SCAI: variants seen among roughly 807,000 people sequenced by gnomAD.
SCAI encodes suppressor of cancer cell invasion, also known as protein SCAI.
A neutral mutation model predicts 92.2 loss-of-function variants in SCAI; 24 were observed. The observed-to-expected ratio is 0.26, with a 90% CI of 0.19 to 0.37. The LOEUF (loss-of-function observed/expected upper bound fraction) is 0.37. Among genes scored for constraint, SCAI ranks in the 10% least tolerant of loss-of-function variants. The pLI, the probability that SCAI is intolerant of heterozygous loss-of-function variation, is 1.00. For missense variants in SCAI, 450 were observed against 736.2 expected (o/e 0.61, Z 4.50); for synonymous variants, 261 against 258.6 (o/e 1.01, Z -0.09).
At chr9:125,138,625 A>G (rs1248892015) in intron 2 of SCAI, among the ~76,000 whole-genome samples, 2 of 152,106 alleles carry the variant, frequency 1.3e-5, no homozygotes, top group Non-Finnish European at 2.9e-5. Context: ...TGTGTTAGCC[A>G]GGATGGTCTC....
At chr9:124,984,731 CTA>C (rs1209042722) in intron 14 of SCAI, among the ~76,000 whole-genome samples, 1 of 152,122 alleles carries the variant, frequency 6.6e-6, no homozygotes, top group African/African-American at 2.4e-5. Context: ...TAAATTATAA[CTA>C]AAGATATGGA....
At chr9:125,128,195 T>C (rs999106711) in intron 2 of SCAI, among the ~76,000 whole-genome samples, 2 of 151,792 alleles carry the variant, frequency 1.3e-5, no homozygotes, top group African/African-American at 2.4e-5. Flanking sequence ...CAGTGGCACA[T>C]GGCACCAGCT....
At chr9:125,075,924 C>T (rs910117540) in intron 2 of SCAI, among the ~76,000 whole-genome samples, 1 of 152,060 alleles carries the variant, frequency 6.6e-6, no homozygotes, top group Non-Finnish European at 1.5e-5. Context: ...TCTCGAACTC[C>T]TGACCTCAAG....
At chr9:125,090,335 A>C (rs1834405695) in intron 2 of SCAI, among the ~76,000 whole-genome samples, 1 of 151,762 alleles carries the variant, frequency 6.6e-6, no homozygotes, top group Non-Finnish European at 1.5e-5. Flanking sequence ...AAAACGAGGG[A>C]GGATGTGGAG....
chr9:124,943,033 ACTT>A lies in SCAI; in HGVS notation c.*9771_*9773del, dbSNP rs1205311085. 4 of 152,224 alleles carry A rather than the reference ACTT, an allele frequency of 2.6e-5. No homozygotes were observed. The highest frequency in any genetic ancestry group is 9.6e-5 in the African/African-American group (4 of 41,460). 9.4% of individuals were successfully genotyped at this position (152,224 alleles called of 1,614,324 possible). On this transcript the variant is annotated 3_prime_UTR_variant, in exon 18 of 18. Coordinates refer to ENST00000336505, the MANE Select transcript of SCAI (RefSeq NM_001144877.3). ...CTCAAGAAAATAAAATGTTTCAAGA[ACTT>A]CTCAATTTCTAAAATCTATGGAGTA...
At chr9:125,056,102 C>T in intron 2 of SCAI, 95 bp from the exon 3 acceptor site, 1 of 875,120 alleles carries the variant, frequency 1.1e-6, no homozygotes, top group Non-Finnish European at 1.7e-6. Flanking sequence ...TTATCCAAGA[C>T]AGATATAGAA....
intron 13 of SCAI, among the ~76,000 whole-genome samples, chr9:124,995,500 T>C (rs1012248659): frequency 1.3e-5 from 2 of 152,168 alleles, no homozygotes; most frequent in Non-Finnish European, 2.9e-5. Flanking sequence ...ATTTTTTTTT[T>C]TAAAGACACC....
chr9:125,133,177 G>A lies in SCAI; in HGVS notation c.98+9456C>T, dbSNP rs540403404. Among the ~76,000 whole-genome samples the A allele has an allele frequency of 5.3e-5, 8 of 152,210 alleles. No homozygotes were observed. In the East Asian group the frequency reaches 1.6e-3, roughly 30 times the overall value. On this transcript the variant is annotated intron_variant, in intron 2 of 17. Coordinates refer to ENST00000336505, the MANE Select transcript of SCAI (RefSeq NM_001144877.3). ...GGCCGCTGTGGGCAGATCACTTGAG[G>A]TCAGGAGTTCGAGACCAGCCTAGGC...
intron 2 of SCAI, among the ~76,000 whole-genome samples, chr9:125,104,264 G>A (rs149125100): frequency 5.9e-5 from 9 of 152,298 alleles, no homozygotes; most frequent in Non-Finnish European, 1.3e-4. Flanking sequence ...TCTGGCAGAA[G>A]TGATTGGAAA....
chr9:125,073,085 A>AT (rs1834009149), intron 2 of SCAI, among the ~76,000 whole-genome samples: 1 of 89,282 alleles, frequency 1.1e-5, no homozygotes, highest in Non-Finnish European at 2.4e-5. Context: ...TGAGGATTCT[A>AT]TTTTTAATTT....
intron 17 of SCAI, among the ~76,000 whole-genome samples, chr9:124,963,876 T>C (rs561983664): frequency 4.4e-4 from 66 of 151,480 alleles, no homozygotes; most frequent in Admixed American, 1.4e-3. Context: ...TGCCTTCACA[T>C]TGAGTAGGCT....
At chr9:124,996,723 A>G (rs943953276) in intron 13 of SCAI, among the ~76,000 whole-genome samples, 6 of 151,930 alleles carry the variant, frequency 3.9e-5, no homozygotes, top group African/African-American at 1.5e-4. Context: ...TCCGCCTCCC[A>G]CGTTCAGGCA....
chr9:124,957,014 G>A (rs1210922676), intron 17 of SCAI, among the ~76,000 whole-genome samples: 2 of 146,746 alleles, frequency 1.4e-5, no homozygotes, highest in Non-Finnish European at 3.0e-5. Context: ...TTTTAAGAAA[G>A]GGTTTCTCAT....
At chr9:125,056,158 G>A in intron 2 of SCAI, 151 bp from the exon 3 acceptor site, 1 of 636,718 alleles carries the variant, frequency 1.6e-6, no homozygotes, top group East Asian at 3.1e-5. Flanking sequence ...TTAAGTGTAA[G>A]ATACTGTAAG....
intron 14 of SCAI, among the ~76,000 whole-genome samples, chr9:124,990,164 A>C (rs1177014184): frequency 2.0e-5 from 3 of 151,710 alleles, no homozygotes; most frequent in Non-Finnish European, 1.5e-5. Context: ...ACAAGAGTGA[A>C]ACTCTGTCTC....
intron 14 of SCAI, among the ~76,000 whole-genome samples, chr9:124,991,169 A>G (rs1037371182): frequency 6.6e-6 from 1 of 152,018 alleles, no homozygotes; most frequent in Non-Finnish European, 1.5e-5. Flanking sequence ...CCTGACCAAC[A>G]TGGGGAAATC....
At chr9:125,020,036 T>C (rs1166714264) in intron 7 of SCAI, among the ~76,000 whole-genome samples, 3 of 145,120 alleles carry the variant, frequency 2.1e-5, no homozygotes, top group African/African-American at 7.7e-5. Flanking sequence ...ATCATGCCAC[T>C]GTACTCCAGC....
chr9:125,022,406 T>C (rs1832886671), intron 6 of SCAI, among the ~76,000 whole-genome samples: 1 of 152,086 alleles, frequency 6.6e-6, no homozygotes, highest in African/African-American at 2.4e-5. Context: ...CTACCTTACA[T>C]CTTTGAAGGG....
chr9:125,124,604 G>A (rs1022729603), intron 2 of SCAI, among the ~76,000 whole-genome samples: 1 of 152,196 alleles, frequency 6.6e-6, no homozygotes, highest in Admixed American at 6.5e-5. Flanking sequence ...TCAAATGATT[G>A]GATGAGGCTC....
Sources: allele counts gnomAD v4.1 joint callset (sites outside exome capture counted in the v4.1 genomes callset), GRCh38; gene constraint gnomAD v4.1.1; transcripts MANE v1.5; gene names NCBI Gene and HGNC (gene_info 2026-07-23, HGNC 2026-07-21).